ITGAM: variants seen among roughly 807,000 people sequenced by gnomAD.
ITGAM encodes integrin subunit alpha M.
A neutral mutation model predicts 137.5 loss-of-function variants in ITGAM; 79 were observed. That is an observed-to-expected ratio of 0.57 (90% CI 0.48 to 0.69). ITGAM has a LOEUF of 0.69. ITGAM is among the 30% of genes least tolerant of loss of function. The pLI is 0.00. For missense variants in ITGAM, 1,343 were observed against 1,483.5 expected (o/e 0.91, Z 1.56); for synonymous variants, 583 against 592.3 (o/e 0.98, Z 0.23).
In ITGAM at chr16:31,325,541, T is replaced by G. The variant is rs372055983; in HGVS notation, c.2547T>G (p.Ser849=). Reference sequence around the variant, plus strand: ...GATCCTGGCGCCTGGCCTGTGAGTCTGCCTCCTCCACCGAAGTGTCTGGGG... The same window carrying G: ...GATCCTGGCGCCTGGCCTGTGAGTCGGCCTCCTCCACCGAAGTGTCTGGGG... ...SQRSWRLACE[S]ASSTEVSGAL... is the part of the protein sequence containing the mutation. Residue 849 remains serine, a synonymous_variant, in exon 21 of 30, where the codon TCT becomes TCG. Transcript: ENST00000544665. 1.2e-6 allele frequency: 2 copies of G among 1,613,966 alleles called. No homozygotes were observed. The highest frequency in any genetic ancestry group is 2.2e-5 in the East Asian group (1 of 44,874).
At position 31,267,444 on chromosome 16, in the gene ITGAM, A is replaced by G. The variant is rs370763398; in HGVS notation, c.427+1297A>G. 7.9e-5 allele frequency among the ~76,000 whole-genome samples: 12 copies of G among 152,182 alleles called. No homozygotes were observed. The East Asian group carries it at 2.1e-3, about 27-fold the overall frequency. ...ATTTTATCTTAATAAGCGGTTTTCC[A>G]GTCTTCACTGGAATTTGTTGACAAA... On this transcript the variant is annotated intron_variant, in intron 5 of 29. Coordinates refer to ENST00000544665, the MANE Select transcript of ITGAM (RefSeq NM_000632.4).
chr16:31,260,434 C>T (rs1013631965), intron 1 of ITGAM, among the ~76,000 whole-genome samples: 3 of 152,164 alleles, frequency 2.0e-5, no homozygotes, highest in Non-Finnish European at 2.9e-5. Flanking sequence ...CCTGGATCCC[C>T]TCTCACCATC....
In ITGAM at chr16:31,326,932, C is replaced by G. The variant is rs548836661; in HGVS notation, c.2705C>G (p.Thr902Ser). 1 of 1,610,276 alleles carries G rather than the reference C, an allele frequency of 6.2e-7. No homozygotes were observed. Among genetic ancestry groups the G allele is most frequent in the Non-Finnish European group, 8.5e-7 (1 of 1,176,514 alleles). Residue 902 changes from threonine (T) to serine (S), a missense_variant, in exon 22 of 30, where the codon ACC (threonine) becomes AGC (serine). Physicochemically the swap from Thr to Ser is moderately conservative, Grantham distance 58 (BLOSUM62 1). Transcript: ENST00000544665. The stretch of plus-strand genomic sequence containing the variant: ...AAACTGCTCCTCAAGGCCAATGTGA[C>G]CAGGTGCTCTCTGCTACCAGGCTTC... The part of the protein sequence containing the change: ...GNKLLLKANV[T>S]SENNMPRTNK...
At chr16:31,295,196 T>G (rs547915692) in intron 12 of ITGAM, among the ~76,000 whole-genome samples, 1 of 152,306 alleles carries the variant, frequency 6.6e-6, no homozygotes, top group East Asian at 1.9e-4. Context: ...TGAGGATTGC[T>G]TTGGCTATTT....
chr16:31,267,088 G>A (rs1330634561), intron 5 of ITGAM, among the ~76,000 whole-genome samples: 3 of 151,962 alleles, frequency 2.0e-5, no homozygotes, highest in Non-Finnish European at 2.9e-5. Context: ...GGCTGGTCTC[G>A]AACTCCTGAG....
intron 14 of ITGAM, among the ~76,000 whole-genome samples, chr16:31,316,565 T>C (rs2080394723): frequency 6.6e-6 from 1 of 152,044 alleles, no homozygotes; most frequent in Non-Finnish European, 1.5e-5. Flanking sequence ...CTACCTTTGT[T>C]GTTTATGCTC....
rs565955439 is a variant in ITGAM at position 31,323,300 on chromosome 16, T to C, written c.2003-1099T>C. On this transcript the variant is annotated intron_variant, in intron 16 of 29. Coordinates refer to ENST00000544665, the MANE Select transcript of ITGAM (RefSeq NM_000632.4). Reference sequence around the variant, plus strand: ...TACAAAATTAGCAGGTGTGGTGGTATGCGTCTGTAATCCCAGCTACTCAGG... The same window carrying C: ...TACAAAATTAGCAGGTGTGGTGGTACGCGTCTGTAATCCCAGCTACTCAGG... Among the ~76,000 whole-genome samples, 77 of 151,876 alleles carry C rather than the reference T, an allele frequency of 5.1e-4. 1 individual carries two copies. In the South Asian group the frequency reaches 0.016, roughly 31 times the overall value.
At chr16:31,310,996 T>G (rs544537381) in intron 14 of ITGAM, among the ~76,000 whole-genome samples, 1 of 152,178 alleles carries the variant, frequency 6.6e-6, no homozygotes, top group African/African-American at 2.4e-5. Context: ...TACAACTATC[T>G]GATCTTTGAC....
chr16:31,271,100 T>A lies in ITGAM; in HGVS notation c.558+16T>A, dbSNP rs1274490217. 2.0e-6 allele frequency: 3 copies of A among 1,535,596 alleles called. No individual in the cohort carries two copies. Among genetic ancestry groups the A allele is most frequent in the Admixed American group, 3.6e-5 (2 of 55,084 alleles). On this transcript the variant is annotated intron_variant, in intron 6 of 29. Coordinates refer to ENST00000544665, the MANE Select transcript of ITGAM (RefSeq NM_000632.4). ...CAAAACCTTGGTGAGGGCCCAGGGGTAGGTTAGGGAAGAGCCCACACGGGG... is the reference window on the plus strand; with the variant it reads ...CAAAACCTTGGTGAGGGCCCAGGGGAAGGTTAGGGAAGAGCCCACACGGGG...
chr16:31,315,536 C>A (rs1326544699), intron 14 of ITGAM, among the ~76,000 whole-genome samples: 2 of 152,040 alleles, frequency 1.3e-5, no homozygotes, highest in African/African-American at 4.8e-5. Flanking sequence ...CAGCTCACTG[C>A]AACCTCCACC....
At chr16:31,285,477 T>TA (rs1356622183) in intron 12 of ITGAM, among the ~76,000 whole-genome samples, 2 of 151,874 alleles carry the variant, frequency 1.3e-5, no homozygotes, top group South Asian at 2.1e-4. Context: ...TAAAAAATAT[T>TA]AAAAAAAGTT....
At chr16:31,299,911 T>G (rs1597011516) in intron 14 of ITGAM, among the ~76,000 whole-genome samples, 1 of 150,814 alleles carries the variant, frequency 6.6e-6, no homozygotes, top group South Asian at 2.1e-4. Flanking sequence ...CAGGCTGGAG[T>G]GCAGTGGTGC....
chr16:31,303,480 G>A (rs1179424334), intron 14 of ITGAM, among the ~76,000 whole-genome samples: 1 of 152,012 alleles, frequency 6.6e-6, no homozygotes, highest in Non-Finnish European at 1.5e-5. Context: ...AGTAACTTTT[G>A]GGGTACAAGT....
chr16:31,265,436 A>T lies in ITGAM; in HGVS notation c.176A>T (p.Gln59Leu). The change falls in exon 3 of 30, where the codon CAA becomes CTA. Residue 59 changes from glutamine (Q) to leucine (L), a missense_variant. Transcript: ENST00000544665. Reference protein sequence around the residue: ...GAPQEIVAANQRGSLYQCDYS... With the variant: ...GAPQEIVAANLRGSLYQCDYS... ...CCCCAGGAGATAGTGGCTGCCAACC[A>T]AAGGGGCAGCCTCTACCAGTGCGAC... is the stretch of plus-strand genomic sequence containing the variant. 1 of 1,607,410 alleles carries T rather than the reference A, an allele frequency of 6.2e-7. No individual in the cohort carries two copies. The highest frequency in any genetic ancestry group is 8.5e-7 in the Non-Finnish European group (1 of 1,177,428).
chr16:31,298,201 C>G (rs1348057925), intron 14 of ITGAM, among the ~76,000 whole-genome samples: 2 of 108,052 alleles, frequency 1.9e-5, no homozygotes, highest in African/African-American at 4.5e-5. Context: ...GAACCCATCT[C>G]TCCAAAAAAA....
intron 12 of ITGAM, among the ~76,000 whole-genome samples, chr16:31,293,487 T>A (rs374040755): frequency 3.3e-5 from 5 of 152,174 alleles, no homozygotes; most frequent in African/African-American, 1.2e-4. Flanking sequence ...CCTAGCACCA[T>A]TTGTTGAATA....
intron 14 of ITGAM, among the ~76,000 whole-genome samples, chr16:31,303,575 AAAT>A (rs1407151051): frequency 1.3e-5 from 2 of 152,170 alleles, no homozygotes; most frequent in Non-Finnish European, 2.9e-5. Context: ...ACACTGTACC[AAAT>A]ATATAGTCTT....
chr16:31,261,923 C>T (rs2079704180), intron 2 of ITGAM, 126 bp downstream of exon 2: 6 of 611,728 alleles, frequency 9.8e-6, no homozygotes, highest in Middle Eastern at 2.6e-4. Context: ...ACAACAAATT[C>T]ATCTTTTGAA....
Position 31,321,315 on chromosome 16 carries a change from A to G in ITGAM, c.1782A>G (p.Thr594=). The change falls in exon 15 of 30, where the codon ACA becomes ACG. Residue 594 remains threonine (T), a synonymous_variant. Transcript: ENST00000544665. ...CACTGAGTGGGGGCCAGGACCTCACAATGGATGGACTGGTAGACCTGACTG... is the reference window on the plus strand; with the variant it reads ...CACTGAGTGGGGGCCAGGACCTCACGATGGATGGACTGGTAGACCTGACTG... ...GQSLSGGQDL[T]MDGLVDLTVG... The G allele has an allele frequency of 6.2e-7, 1 of 1,614,014 alleles. No homozygotes were observed. Among genetic ancestry groups the G allele is most frequent in the Non-Finnish European group, 8.5e-7 (1 of 1,179,886 alleles).
Sources: allele counts gnomAD v4.1 joint callset (sites outside exome capture counted in the v4.1 genomes callset), GRCh38; gene constraint gnomAD v4.1.1; transcripts MANE v1.5; gene names NCBI Gene and HGNC (gene_info 2026-07-23, HGNC 2026-07-21).